DDHD1: variants seen among roughly 807,000 people sequenced by gnomAD.
DDHD1 encodes the protein DDHD domain containing 1.
A neutral mutation model predicts 96.4 loss-of-function variants in DDHD1; 49 were observed. The ratio of observed to expected loss-of-function variants is 0.51; its 90% CI spans 0.40 to 0.64. The LOEUF (loss-of-function observed/expected upper bound fraction) is 0.64. DDHD1 is among the 30% of genes least tolerant of loss of function. The pLI is 0.00. For synonymous variants in DDHD1, 442 were observed against 446.5 expected (o/e 0.99, Z 0.13); for missense variants, 1,106 against 1,161.2 (o/e 0.95, Z 0.69).
chr14:53,103,717 A>G lies in DDHD1; in HGVS notation c.978T>C (p.Asp326=). 6.2e-7 allele frequency: 1 copy of G among 1,612,948 alleles called. No homozygotes were observed. Among genetic ancestry groups the G allele is most frequent in the Non-Finnish European group, 8.5e-7 (1 of 1,179,698 alleles). ...FRGQQMQENF[D]IEVSKSIDGK... is the part of the protein sequence containing the mutation. ...CATCTATGGATTTTGACACTTCAAT[A>G]TCGAAATTTTCCTGCATCTGCTGGC... Residue 326 remains aspartate (D), a synonymous_variant, in exon 2 of 13, where the codon GAT becomes GAC. Coordinates refer to ENST00000673822, the MANE Select transcript of DDHD1 (RefSeq NM_001160148.2).
chr14:53,084,145 T>C (rs971546350), intron 4 of DDHD1, among the ~76,000 whole-genome samples: 2 of 152,252 alleles, frequency 1.3e-5, no homozygotes, highest in South Asian at 4.2e-4. Context: ...GCTGGGACTT[T>C]TGGAAAAAAG....
chr14:53,120,434 AT>A (rs1888897562), intron 1 of DDHD1, among the ~76,000 whole-genome samples: 1 of 152,224 alleles, frequency 6.6e-6, no homozygotes. Flanking sequence ...TCTTTGCAGA[AT>A]TAGAAAAAAA....
chr14:53,132,703 C>T (rs1235716215), intron 1 of DDHD1, among the ~76,000 whole-genome samples: 1 of 152,174 alleles, frequency 6.6e-6, no homozygotes, highest in Non-Finnish European at 1.5e-5. Flanking sequence ...ATTATTAATG[C>T]CTCTTTAATA....
intron 11 of DDHD1, 138 bp downstream of exon 11, chr14:53,054,300 G>A (rs1882850708): frequency 1.5e-6 from 1 of 688,190 alleles, no homozygotes; most frequent in Non-Finnish European, 2.3e-6. Context: ...CAGAAGGAAA[G>A]CATTTTTTTC....
In DDHD1 at chr14:53,046,655, C is replaced by T. The variant is rs1385057644; in HGVS notation, c.*113G>A. On this transcript the variant is annotated 3_prime_UTR_variant, in exon 13 of 13. Transcript: ENST00000673822. ...TGCTTTTAAATTCAAATATATGTTG[C>T]CCTAAAGAAAACTGAAATATACTTT... 3.0e-5 allele frequency: 19 copies of T among 632,686 alleles called. No individual in the cohort carries two copies. In the East Asian group the frequency reaches 5.7e-4, roughly 19 times the overall value. The allele number at this position is 632,686 out of a possible 1,614,324, so 39.2% of individuals were successfully genotyped here. A position where few individuals can be genotyped will look rare whatever the true frequency, so the allele number is the denominator to read the frequency against.
chr14:53,044,730 T>G lies in DDHD1; in HGVS notation c.*2038A>C, dbSNP rs1416671491. 6.6e-6 allele frequency: 1 copy of G among 152,212 alleles called. No homozygotes were observed. Among genetic ancestry groups the G allele is most frequent in the Non-Finnish European group, 1.5e-5 (1 of 68,038 alleles). 9.4% of individuals were successfully genotyped at this position (152,212 alleles called of 1,614,324 possible). On this transcript the variant is annotated 3_prime_UTR_variant, in exon 13 of 13. Coordinates refer to ENST00000673822, the MANE Select transcript of DDHD1 (RefSeq NM_001160148.2). Reference sequence around the variant, plus strand: ...ACTTGGTCATGGAGCCTTGGAATTTTTTTTAAACATTAAAAAGAAGTGCTT... The same window carrying G: ...ACTTGGTCATGGAGCCTTGGAATTTGTTTTAAACATTAAAAAGAAGTGCTT...
At chr14:53,121,222 C>T (rs1888956352) in intron 1 of DDHD1, among the ~76,000 whole-genome samples, 1 of 152,148 alleles carries the variant, frequency 6.6e-6, no homozygotes, top group African/African-American at 2.4e-5. Flanking sequence ...CAAATCAAAA[C>T]TACAATGAGA....
At chr14:53,081,891 TA>T (rs1215101382) in intron 4 of DDHD1, among the ~76,000 whole-genome samples, 1 of 143,158 alleles carries the variant, frequency 7.0e-6, no homozygotes, top group African/African-American at 2.6e-5. Context: ...AATGAAAAAA[TA>T]ATGAGGGAAG....
chr14:53,153,089 G>C lies in DDHD1; in HGVS notation c.10C>G (p.Pro4Ala). ...GGGCTCCGTGGGGACCCGCGGCCCGGGTAATTCATGCTGTGGAGACGCCGC... is the reference window on the plus strand; with the variant it reads ...GGGCTCCGTGGGGACCCGCGGCCCGCGTAATTCATGCTGTGGAGACGCCGC... MNYPGRGSPRSPEH... is the reference protein window; with the variant it reads MNYAGRGSPRSPEH... The change falls in exon 1 of 13, where the codon CCG (proline) becomes GCG (alanine). Residue 4 changes from proline to alanine, a missense_variant. Physicochemically the swap from Pro to Ala is conservative, Grantham distance 27. Around this residue, in one of 2 missense-constraint regions of DDHD1, gnomAD observed 456 missense variants for 402.4 expected, o/e 1.13. Transcript: ENST00000673822. The C allele has an allele frequency of 7.0e-7, 1 of 1,433,998 alleles. No individual in the cohort carries two copies. The highest frequency in any genetic ancestry group is 9.0e-7 in the Non-Finnish European group (1 of 1,107,176). 88.8% of individuals were successfully genotyped at this position (1,433,998 alleles called of 1,614,324 possible). A position where few individuals can be genotyped will look rare whatever the true frequency, so the allele number is the denominator to read the frequency against.
intron 1 of DDHD1, among the ~76,000 whole-genome samples, chr14:53,136,292 G>C (rs559433713): frequency 2.6e-5 from 4 of 152,324 alleles, no homozygotes; most frequent in African/African-American, 9.6e-5. Flanking sequence ...CACAAAACCT[G>C]TTTTGGTGGT....
chr14:53,100,611 C>T (rs1887228654), intron 2 of DDHD1, among the ~76,000 whole-genome samples: 1 of 152,044 alleles, frequency 6.6e-6, no homozygotes. Flanking sequence ...CCACAAATAC[C>T]AAGGGACAAC....
At chr14:53,139,843 C>CAAAAAAAAAAAA (rs56999105) in intron 1 of DDHD1, among the ~76,000 whole-genome samples, 1 of 131,258 alleles carries the variant, frequency 7.6e-6, no homozygotes, top group Non-Finnish European at 1.6e-5. Context: ...CAAGAGACCA[C>CAAAAAAAAAAAA]AAAAAAAAAA....
intron 4 of DDHD1, among the ~76,000 whole-genome samples, chr14:53,089,144 C>G (rs1258634671): frequency 6.6e-6 from 1 of 151,976 alleles, no homozygotes; most frequent in Non-Finnish European, 1.5e-5. Context: ...AACTACAAAC[C>G]CTGCTCAATG....
chr14:53,059,488 G>A (rs184604037), intron 8 of DDHD1, among the ~76,000 whole-genome samples: 199 of 151,118 alleles, frequency 1.3e-3, no homozygotes, highest in African/African-American at 4.6e-3. Context: ...CTCGTGATCC[G>A]CCCACCTTAG....
chr14:53,152,422 C>A lies in DDHD1; in HGVS notation c.677G>T (p.Gly226Val), dbSNP rs980371477. ...CSPTGPASSS[G>V]EDDDEDRACG... ...GGCGCGGTCCTCATCGTCATCTTCTCCGGAACTGGAGGCTGGGCCCGTGGG... is the reference window on the plus strand; with the variant it reads ...GGCGCGGTCCTCATCGTCATCTTCTACGGAACTGGAGGCTGGGCCCGTGGG... The change falls in exon 1 of 13, where the codon GGA (glycine) becomes GTA (valine). Residue 226 changes from glycine (G) to valine (V), a missense_variant. Gly to Val is a moderately radical substitution (Grantham distance 109, BLOSUM62 -3). Coordinates refer to ENST00000673822, the MANE Select transcript of DDHD1 (RefSeq NM_001160148.2). 3.4e-5 allele frequency: 55 copies of A among 1,613,718 alleles called. No individual in the cohort carries two copies. Among genetic ancestry groups the A allele is most frequent in the Admixed American group, 8.3e-5 (5 of 60,016 alleles).
chr14:53,064,379 C>G (rs1472205554), intron 6 of DDHD1, among the ~76,000 whole-genome samples: 1 of 151,956 alleles, frequency 6.6e-6, no homozygotes, highest in Non-Finnish European at 1.5e-5. Context: ...TACTTTAGTA[C>G]TCTGACAAAA....
intron 2 of DDHD1, among the ~76,000 whole-genome samples, chr14:53,099,057 G>T (rs1237542905): frequency 6.6e-6 from 1 of 151,658 alleles, no homozygotes; most frequent in Non-Finnish European, 1.5e-5. Context: ...TCTGTTTTTT[G>T]TATCTCTGTT....
rs1325117914 is a variant in DDHD1, at chr14:53,043,586, C to T, written c.*3182G>A. 2 of 152,166 alleles carry T rather than the reference C, an allele frequency of 1.3e-5. No individual in the cohort carries two copies. The highest frequency in any genetic ancestry group is 6.6e-5 in the Admixed American group (1 of 15,266). The allele number at this position is 152,166 out of a possible 1,614,324, so 9.4% of individuals were successfully genotyped here. On this transcript the variant is annotated 3_prime_UTR_variant, in exon 13 of 13. Transcript: ENST00000673822. ...GGGACCACAGGCGTCTGCCAACACA[C>T]CCAGCTAATCTTTGCATTTTTTGTA... is the stretch of plus-strand genomic sequence containing the variant.
At chr14:53,133,416 G>C (rs140625510) in intron 1 of DDHD1, among the ~76,000 whole-genome samples, 1 of 152,220 alleles carries the variant, frequency 6.6e-6, no homozygotes, top group African/African-American at 2.4e-5. Flanking sequence ...TATACAATCT[G>C]ATAACAGACC....
Sources: gnomAD v4.1 joint callset for allele counts (sites outside exome capture counted in the v4.1 genomes callset) on GRCh38, gnomAD v4.1.1 for gene constraint, gnomAD v4.1.1 regional missense constraint, MANE v1.5 for transcripts, NCBI Gene and HGNC (gene_info 2026-07-23, HGNC 2026-07-21) for gene names.